PCNT: variants seen among roughly 807,000 people sequenced by gnomAD.
PCNT encodes kendrin.
Under a neutral mutation model 380.4 loss-of-function variants are expected in PCNT, and 319 were observed. The ratio of observed to expected loss-of-function variants is 0.84; its 90% confidence interval spans 0.77 to 0.92. The LOEUF (loss-of-function observed/expected upper bound fraction) is 0.92, where lower values mean the gene tolerates loss of function less well. Among genes scored for constraint, PCNT ranks in the 40% least tolerant of loss-of-function variants. The pLI is 0.00. For synonymous variants in PCNT, 1,845 were observed against 1,735.2 expected, an observed-to-expected ratio of 1.06 and a Z score of -1.57; for missense variants, 4,400 against 4,255.3, an observed-to-expected ratio of 1.03 and a Z score of -0.95.
Position 46,442,144 on chromosome 21 carries a change from C to T in PCNT, c.9624-353C>T, listed in dbSNP as rs145292886. Among the ~76,000 whole-genome samples the T allele has an allele frequency of 1.8e-3, 275 of 152,226 alleles. 2 individuals are homozygous for T. Among genetic ancestry groups the T allele is most frequent in the African/African-American group, 6.2e-3 (257 of 41,578 alleles). Reference sequence around the variant, plus strand: ...GAGGGTCCTGCACACCAGGCGGGAGCGGCATGTGTTTCCTAGTCACTGGTG... The same window carrying T: ...GAGGGTCCTGCACACCAGGCGGGAGTGGCATGTGTTTCCTAGTCACTGGTG... On this transcript the variant is annotated intron_variant, in intron 43 of 46. Transcript: ENST00000359568.
intron 9 of PCNT, among the ~76,000 whole-genome samples, chr21:46,352,715 A>G (rs537222224): frequency 1.3e-5 from 2 of 152,206 alleles, no homozygotes; most frequent in African/African-American, 4.8e-5. Flanking sequence ...TTTTCTGTCC[A>G]GGGTCCCCCA....
At position 46,403,464 on chromosome 21, in the gene PCNT, A is replaced by G. The variant is rs1351364964; in HGVS notation, c.5115+981A>G. Among the ~76,000 whole-genome samples the G allele has an allele frequency of 7.1e-3, 527 of 73,872 alleles. 5 individuals are homozygous for G. The highest frequency in any genetic ancestry group is 0.025 in the African/African-American group (461 of 18,262). 48.5% of individuals were successfully genotyped at this position (73,872 alleles called of 152,430 possible). On this transcript the variant is annotated intron_variant, in intron 27 of 46. Coordinates refer to ENST00000359568, the MANE Select transcript of PCNT (RefSeq NM_006031.6). ...ATTGTGTGTGTGGTGCCCACGCGGCACGTGCTTGGTGAATGAACACAGCGT... is the reference window on the plus strand; with the variant it reads ...ATTGTGTGTGTGGTGCCCACGCGGCGCGTGCTTGGTGAATGAACACAGCGT...
chr21:46,376,359 A>G (rs1410937228), intron 15 of PCNT, among the ~76,000 whole-genome samples: 2 of 152,194 alleles, frequency 1.3e-5, no homozygotes, highest in Admixed American at 1.3e-4. Flanking sequence ...TCAAAGGACC[A>G]CTGATTTCAG....
chr21:46,387,037 G>A (rs1053349397), intron 17 of PCNT, among the ~76,000 whole-genome samples: 1 of 151,982 alleles, frequency 6.6e-6, no homozygotes, highest in African/African-American at 2.4e-5. Context: ...TGCTGCTCCC[G>A]TCTTTGTGTC....
chr21:46,359,903 C>G (rs1029373869), intron 13 of PCNT, among the ~76,000 whole-genome samples: 4 of 150,810 alleles, frequency 2.7e-5, no homozygotes, highest in Non-Finnish European at 5.9e-5. Flanking sequence ...ATTGCCCAGG[C>G]TGGAGTGCAG....
At chr21:46,361,934 G>A (rs956020395) in intron 13 of PCNT, among the ~76,000 whole-genome samples, 1 of 152,152 alleles carries the variant, frequency 6.6e-6, no homozygotes. Context: ...CTCTTCAGCA[G>A]GGGTCACGTT....
chr21:46,378,966 T>C (rs1162459872), intron 15 of PCNT, among the ~76,000 whole-genome samples: 1 of 152,188 alleles, frequency 6.6e-6, no homozygotes, highest in East Asian at 1.9e-4. Context: ...TGTCTCCTGT[T>C]TTCTCTGTGT....
intron 1 of PCNT, 139 bp downstream of exon 1, chr21:46,324,421 T>G (rs940481855): frequency 1.3e-6 from 1 of 783,594 alleles, no homozygotes; most frequent in Non-Finnish European, 2.2e-6. Context: ...TCCCGCCGGC[T>G]CCGCTGGAAG....
At chr21:46,369,318 C>A (rs2085038614) in intron 15 of PCNT, among the ~76,000 whole-genome samples, 1 of 152,254 alleles carries the variant, frequency 6.6e-6, no homozygotes, top group South Asian at 2.1e-4. Flanking sequence ...AAGAGATCCT[C>A]TTGCCTTGGC....
At chr21:46,358,481 C>T (rs1157686413) in intron 13 of PCNT, among the ~76,000 whole-genome samples, 1 of 152,204 alleles carries the variant, frequency 6.6e-6, no homozygotes, top group Non-Finnish European at 1.5e-5. Context: ...GGGTGGAGCC[C>T]TGTGGGGAGC....
chr21:46,341,440 A>G (rs1468220478), intron 3 of PCNT, among the ~76,000 whole-genome samples: 1 of 151,922 alleles, frequency 6.6e-6, no homozygotes, highest in African/African-American at 2.4e-5. Context: ...TCATCTGATC[A>G]GTCTTCCAAA....
rs537270346 is a variant in PCNT at position 46,330,846 on chromosome 21, T to C, written c.268-3551T>C. On this transcript the variant is annotated intron_variant, in intron 2 of 46. Coordinates refer to ENST00000359568, the MANE Select transcript of PCNT (RefSeq NM_006031.6). ...GCCAGGGCACTCCCCTCTCAGATGG[T>C]TGGTCATGCTGCGTCGGAGATCAGG... Among the ~76,000 whole-genome samples the C allele has an allele frequency of 2.0e-5, 3 of 152,302 alleles. No homozygotes were observed. The South Asian group carries it at 6.2e-4, about 32-fold the overall frequency.
Position 46,421,974 on chromosome 21 carries a change from C to A in PCNT, c.7029C>A (p.Asp2343Glu), listed in dbSNP as rs143064269. ...CTGACCCTGTGGTGTTTTTAGGTGA[C>A]GGCTCGGGTTTTGGAGCAAGACTGA... ...EGKADRSEKS[D>E]GSGFGARLSP... is the part of the protein sequence containing the mutation. Residue 2343 changes from aspartate to glutamate, a missense_variant, in exon 32 of 47, where the codon GAC becomes GAA. Coordinates refer to ENST00000359568, the MANE Select transcript of PCNT (RefSeq NM_006031.6). 5 of 1,614,018 alleles carry A rather than the reference C, an allele frequency of 3.1e-6. No homozygotes were observed. In the South Asian group the frequency reaches 5.5e-5, roughly 18 times the overall value.
intron 21 of PCNT, among the ~76,000 whole-genome samples, chr21:46,394,163 G>A (rs989159444): frequency 5.9e-5 from 9 of 152,224 alleles, no homozygotes; most frequent in African/African-American, 1.7e-4. Flanking sequence ...CCACTCTCCC[G>A]GCAGGGCCTA....
At chr21:46,396,647 A>T (rs1489078922) in intron 21 of PCNT, among the ~76,000 whole-genome samples, 2 of 152,198 alleles carry the variant, frequency 1.3e-5, no homozygotes, top group African/African-American at 4.8e-5. Context: ...TTTGTCACCC[A>T]GGCTGGAGTG....
chr21:46,329,914 T>G (rs1156265290), intron 2 of PCNT, among the ~76,000 whole-genome samples: 2 of 152,196 alleles, frequency 1.3e-5, no homozygotes, highest in Non-Finnish European at 2.9e-5. Flanking sequence ...TGACTGATTT[T>G]CATCTCACAT....
intron 15 of PCNT, among the ~76,000 whole-genome samples, chr21:46,369,876 G>A (rs1355476875): frequency 6.6e-6 from 1 of 152,212 alleles, no homozygotes; most frequent in African/African-American, 2.4e-5. Context: ...TCAGCACCAA[G>A]CGGCCCTGCA....
intron 38 of PCNT, among the ~76,000 whole-genome samples, chr21:46,433,764 G>A (rs564525764): frequency 1.3e-5 from 2 of 152,198 alleles, no homozygotes; most frequent in Admixed American, 1.3e-4. Context: ...CCCTTCCAGA[G>A]TGATTTATTT....
At chr21:46,440,662 C>T (rs2053584180) in intron 42 of PCNT, among the ~76,000 whole-genome samples, 193 bp from the exon 43 acceptor site, 1 of 152,192 alleles carries the variant, frequency 6.6e-6, no homozygotes, top group African/African-American at 2.4e-5. Context: ...TCTTGTCTGA[C>T]AAACACAAAT....
Sources: allele counts gnomAD v4.1 joint callset (sites outside exome capture counted in the v4.1 genomes callset), GRCh38; gene constraint gnomAD v4.1.1; transcripts MANE v1.5; gene names NCBI Gene and HGNC (gene_info 2026-07-23, HGNC 2026-07-21).